The following SASS6 variants were observed in gnomAD, a reference collection of about 807,000 sequenced individuals.
SASS6 encodes spindle assembly abnormal protein 6 homolog.
A neutral mutation model predicts 94.9 loss-of-function variants in SASS6; 59 were observed. The ratio of observed to expected loss-of-function variants is 0.62; its 90% CI spans 0.50 to 0.77. SASS6 has a LOEUF of 0.77. Ranked by LOEUF, SASS6 falls within the 30% of genes least tolerant of loss-of-function variation. SASS6 has a pLI of 0.00. For missense variants in SASS6, 698 were observed against 734.1 expected (o/e 0.95, Z 0.57); for synonymous variants, 264 against 270.0 (o/e 0.98, Z 0.22).
At chr1:100,099,057 T>C (rs1652286924) in intron 14 of SASS6, among the ~76,000 whole-genome samples, 1 of 152,350 alleles carries the variant, frequency 6.6e-6, no homozygotes, top group South Asian at 2.1e-4. Flanking sequence ...TACTTACACA[T>C]TATTTTTAAA....
At chr1:100,128,166 A>G (rs114099069) in intron 1 of SASS6, among the ~76,000 whole-genome samples, 143 of 152,214 alleles carry the variant, frequency 9.4e-4, no homozygotes, top group African/African-American at 3.3e-3. Context: ...TCTCCTGAGT[A>G]GCTGAGTTTA....
intron 7 of SASS6, among the ~76,000 whole-genome samples, chr1:100,114,834 T>A (rs1252418425): frequency 1.3e-5 from 2 of 152,182 alleles, no homozygotes; most frequent in Admixed American, 6.5e-5. Flanking sequence ...GCAAAGATGA[T>A]TCCACCTTTG....
chr1:100,100,638 A>C (rs1652408650), intron 14 of SASS6, among the ~76,000 whole-genome samples: 1 of 152,356 alleles, frequency 6.6e-6, no homozygotes, highest in Non-Finnish European at 1.5e-5. Flanking sequence ...CAAATTTCTC[A>C]TGTTATTTTA....
chr1:100,108,059 C>T, intron 8 of SASS6, 55 bp from the exon 9 acceptor site: 1 of 1,042,204 alleles, frequency 9.6e-7, no homozygotes, highest in Non-Finnish European at 1.4e-6. Flanking sequence ...GCTGCCTCAT[C>T]TGGTTATTTA....
At chr1:100,089,565 GA>G (rs879343873) in intron 14 of SASS6, among the ~76,000 whole-genome samples, 1 of 152,062 alleles carries the variant, frequency 6.6e-6, no homozygotes, top group Non-Finnish European at 1.5e-5. Flanking sequence ...CATCTTGCCA[GA>G]AAGTATTCAA....
chr1:100,107,138 TAATAA>T lies in SASS6; in HGVS notation c.1327-150_1327-146del, dbSNP rs530809434. On this transcript the variant is annotated intron_variant, in intron 11 of 16. Coordinates refer to ENST00000287482, the MANE Select transcript of SASS6 (RefSeq NM_194292.3). Reference sequence around the variant, plus strand: ...GAATAAAGGAATTAGCTCAATTATGTAATAAAATATTTACATGTGTATACAAACAT... The same window carrying T: ...GAATAAAGGAATTAGCTCAATTATGTAATATTTACATGTGTATACAAACAT... The T allele has an allele frequency of 3.6e-4, 218 of 607,326 alleles. No individual in the cohort carries two copies. In the African/African-American group the frequency reaches 3.7e-3, roughly 10 times the overall value. The allele number at this position is 607,326 out of a possible 1,614,324, so 37.6% of individuals were successfully genotyped here. A position where few individuals can be genotyped will look rare whatever the true frequency, so the allele number is the denominator to read the frequency against.
At chr1:100,096,295 A>C (rs965617425) in intron 14 of SASS6, among the ~76,000 whole-genome samples, 1 of 152,212 alleles carries the variant, frequency 6.6e-6, no homozygotes, top group Admixed American at 6.5e-5. Flanking sequence ...AGAGAAAAAG[A>C]CTTTTCATAA....
intron 8 of SASS6, 49 bp from the exon 9 acceptor site, chr1:100,108,053 C>A: frequency 9.1e-7 from 1 of 1,098,102 alleles, no homozygotes; most frequent in Non-Finnish European, 1.3e-6. Flanking sequence ...AAGGAAGCTG[C>A]CTCATCTGGT....
At chr1:100,120,509 A>G (rs566150216) in intron 5 of SASS6, 50 bp from the exon 6 acceptor site, 1 of 837,018 alleles carries the variant, frequency 1.2e-6, no homozygotes, top group Admixed American at 1.8e-5. Flanking sequence ...AATCATCTAT[A>G]GCCATGCTAC....
intron 14 of SASS6, among the ~76,000 whole-genome samples, chr1:100,099,065 A>C (rs1652287371): frequency 6.6e-6 from 1 of 152,220 alleles, no homozygotes; most frequent in African/African-American, 2.4e-5. Flanking sequence ...CATTATTTTT[A>C]AAAAGTTAAT....
Position 100,123,301 on chromosome 1 carries a change from T to C in SASS6, c.127-12A>G, listed in dbSNP as rs1158161487. The C allele has an allele frequency of 7.0e-7, 1 of 1,426,880 alleles. No homozygotes were observed. The highest frequency in any genetic ancestry group is 1.8e-4 in the Middle Eastern group (1 of 5,586). The allele number at this position is 1,426,880 out of a possible 1,614,324, so 88.4% of individuals were successfully genotyped here. Reference sequence around the variant, plus strand: ...CGAATAACTAAGTCCTAAAAGAAAGTTTGTTGTTTTTAAATGTTTTTACTA... The same window carrying C: ...CGAATAACTAAGTCCTAAAAGAAAGCTTGTTGTTTTTAAATGTTTTTACTA... On this transcript the variant is annotated splice_polypyrimidine_tract_variant and intron_variant, in intron 2 of 16. Coordinates refer to ENST00000287482, the MANE Select transcript of SASS6 (RefSeq NM_194292.3).
At chr1:100,089,957 G>C (rs1047880138) in intron 14 of SASS6, among the ~76,000 whole-genome samples, 1 of 151,578 alleles carries the variant, frequency 6.6e-6, no homozygotes, top group Admixed American at 6.6e-5. Flanking sequence ...GACAACAGTA[G>C]CAAAAAGAAG....
chr1:100,127,856 G>T (rs969918651), intron 1 of SASS6, among the ~76,000 whole-genome samples: 2 of 151,876 alleles, frequency 1.3e-5, no homozygotes, highest in Non-Finnish European at 2.9e-5. Context: ...CTCAGTTTCC[G>T]AACTTGTAAG....
Position 100,093,355 on chromosome 1 carries a change from C to A in SASS6, c.1675-5119G>T, listed in dbSNP as rs1651887202. On this transcript the variant is annotated intron_variant, in intron 14 of 16. Transcript: ENST00000287482. ...TGACCACACCTGGCCAAAATATTTT[C>A]TAATTTCCCTCAAATCTTCCACATA... Among the ~76,000 whole-genome samples, 4 of 151,946 alleles carry A rather than the reference C, an allele frequency of 2.6e-5. No homozygotes were observed. The South Asian group carries it at 8.3e-4, about 32-fold the overall frequency.
At chr1:100,094,868 A>T (rs2101646255) in intron 14 of SASS6, among the ~76,000 whole-genome samples, 1 of 147,518 alleles carries the variant, frequency 6.8e-6, no homozygotes, top group African/African-American at 2.5e-5. Context: ...TCTGTCTCCA[A>T]AAAAAAAAAA....
At chr1:100,118,864 G>A (rs1653969801) in intron 7 of SASS6, among the ~76,000 whole-genome samples, 154 bp downstream of exon 7, 1 of 151,948 alleles carries the variant, frequency 6.6e-6, no homozygotes, top group Non-Finnish European at 1.5e-5. Context: ...ATTATCTCTA[G>A]GTAGTAAGAC....
rs1472294030 is a variant in SASS6 at position 100,110,471 on chromosome 1, A to G, written c.682T>C (p.Tyr228His). Residue 228 changes from tyrosine to histidine, a missense_variant, in exon 8 of 17, where the codon TAT (tyrosine) becomes CAT (histidine). Tyr to His is a moderately conservative substitution (Grantham distance 83). Coordinates refer to ENST00000287482, the MANE Select transcript of SASS6 (RefSeq NM_194292.3). ...TTCTGTTGTTCATGCTGCTGTTGAT[A>G]TTGAACCTGTGCCTATGATACAATA... The part of the protein sequence containing the change: ...KEKALQAQVQ[Y>H]QQQHEQQKKD... 2 of 1,597,078 alleles carry G rather than the reference A, an allele frequency of 1.3e-6. No homozygotes were observed. Among genetic ancestry groups the G allele is most frequent in the Admixed American group, 1.7e-5 (1 of 57,584 alleles).
At position 100,132,785 on chromosome 1, in the gene SASS6, G is replaced by A. The variant is rs768466956; in HGVS notation, c.30C>T (p.Val10=). 1 of 1,614,132 alleles carries A rather than the reference G, an allele frequency of 6.2e-7. No homozygotes were observed. Among genetic ancestry groups the A allele is most frequent in the East Asian group, 2.2e-5 (1 of 44,890 alleles). The change falls in exon 1 of 17, where the codon GTC becomes GTT. Residue 10 remains valine, a synonymous_variant. Transcript: ENST00000287482. ...AGTCTTTGCATTTCACCTGCAACGG[G>A]ACTAGTTGGTGGAACAGCACTTGGC... MSQVLFHQL[V]PLQVKCKDCE... is the part of the protein sequence containing the mutation.
chr1:100,121,590 T>TTTTC, intron 4 of SASS6, 41 bp from the exon 5 acceptor site: 1 of 1,168,794 alleles, frequency 8.6e-7, no homozygotes, highest in Non-Finnish European at 1.2e-6. Context: ...ACTTAAGAGA[T>TTTTC]AGTGAAAATC....
Sources: gnomAD v4.1 joint callset for allele counts (sites outside exome capture counted in the v4.1 genomes callset) on GRCh38, gnomAD v4.1.1 for gene constraint, MANE v1.5 for transcripts, NCBI Gene and HGNC (gene_info 2026-07-23, HGNC 2026-07-21) for gene names.